The following ZBTB2 variants were observed in gnomAD, a reference collection of about 807,000 sequenced individuals.
The protein encoded by ZBTB2 is zinc finger and BTB domain containing 2, also known as zinc finger and BTB domain-containing protein 2.
In ZBTB2, 2 loss-of-function variants were observed where a neutral mutation model predicts 39.5. The observed-to-expected ratio is 0.05, with a 90% confidence interval of 0.02 to 0.16. ZBTB2 has a LOEUF of 0.16. Ranked by LOEUF, ZBTB2 falls within the 10% of genes least tolerant of loss-of-function variation. The probability of loss-of-function intolerance (pLI) is 1.00; values close to 1 mark genes in which losing one functional copy is unlikely to be tolerated. For synonymous variants in ZBTB2, 251 were observed against 256.6 expected, an observed-to-expected ratio of 0.98 and a Z score of 0.21; for missense variants, 391 against 653.0, an observed-to-expected ratio of 0.60 and a Z score of 4.37.
In ZBTB2 at chr6:151,373,843, TAAAAAA is replaced by T. The variant is rs200070063; in HGVS notation, c.-12-200_-12-195del. ...TGAAGTAGTTATGTCATTATGCCTT[TAAAAAA>T]AAAAAAAAAAAAAAAAAAAAAAAAA... is the stretch of plus-strand genomic sequence containing the variant. On this transcript the variant is annotated intron_variant, in intron 1 of 2. Coordinates refer to ENST00000325144, the MANE Select transcript of ZBTB2 (RefSeq NM_020861.3). 3.6e-3 allele frequency among the ~76,000 whole-genome samples: 167 copies of T among 46,002 alleles called. 3 individuals are homozygous for T. The highest frequency in any genetic ancestry group is 9.5e-3 in the African/African-American group (151 of 15,950). The allele number at this position is 46,002 out of a possible 152,430, so 30.2% of individuals were successfully genotyped here.
intron 1 of ZBTB2, among the ~76,000 whole-genome samples, chr6:151,390,962 G>A (rs1243242617): frequency 6.7e-6 from 1 of 150,140 alleles, no homozygotes; most frequent in Non-Finnish European, 1.5e-5. Context: ...GTGGCGGCGG[G>A]AAGGGAGGGA....
intron 1 of ZBTB2, among the ~76,000 whole-genome samples, chr6:151,390,773 T>TCCCTC (rs1192449849): frequency 1.2e-4 from 6 of 49,788 alleles, no homozygotes; most frequent in African/African-American, 4.5e-4. Flanking sequence ...CCCTCCCTCC[T>TCCCTC]CCCTCCCCTC....
chr6:151,375,692 G>A (rs936148622), intron 1 of ZBTB2, among the ~76,000 whole-genome samples: 2 of 152,142 alleles, frequency 1.3e-5, no homozygotes, highest in Non-Finnish European at 2.9e-5. Flanking sequence ...TGGGGTAGCT[G>A]GGATTACAGG....
intron 2 of ZBTB2, among the ~76,000 whole-genome samples, chr6:151,371,871 T>C (rs943023596): frequency 6.6e-6 from 1 of 152,076 alleles, no homozygotes; most frequent in Non-Finnish European, 1.5e-5. Context: ...GAAGAAAACA[T>C]GATTTGGGGA....
chr6:151,367,522 G>A (rs1435402994), intron 2 of ZBTB2, among the ~76,000 whole-genome samples: 3 of 152,182 alleles, frequency 2.0e-5, no homozygotes, highest in Non-Finnish European at 4.4e-5. Context: ...GCTTTACAGG[G>A]ATGCCTTCTC....
intron 1 of ZBTB2, chr6:151,378,193 A>G (rs1778958507): frequency 6.6e-6 from 1 of 152,164 alleles, no homozygotes; most frequent in Non-Finnish European, 1.5e-5. Context: ...TAACAAATAT[A>G]CCCTAAAATA....
chr6:151,387,718 T>C (rs1292207417), intron 1 of ZBTB2, among the ~76,000 whole-genome samples: 1 of 152,224 alleles, frequency 6.6e-6, no homozygotes, highest in East Asian at 1.9e-4. Flanking sequence ...CAAATTCCTA[T>C]CTTTGAATAC....
chr6:151,391,036 A>G (rs1160074378), intron 1 of ZBTB2, among the ~76,000 whole-genome samples: 1 of 29,526 alleles, frequency 3.4e-5, no homozygotes, highest in Non-Finnish European at 6.7e-5. Context: ...CCTCCCTCCG[A>G]TCCGCCGCCC....
chr6:151,389,082 A>G (rs887652718), intron 1 of ZBTB2, among the ~76,000 whole-genome samples: 11 of 152,222 alleles, frequency 7.2e-5, no homozygotes, highest in Non-Finnish European at 1.5e-4. Context: ...AGAAATGCCC[A>G]GTTTAAAAGG....
Position 151,366,091 on chromosome 6 carries a change from A to G in ZBTB2, c.975T>C (p.Asp325=). ...ISDSELQHIS[D]SPIIDGQQQS... is the part of the protein sequence containing the mutation. The stretch of plus-strand genomic sequence containing the variant: ...GCTGCTGCCCATCGATGATGGGAGA[A>G]TCAGAGATGTGCTGCAGCTCACTGT... Residue 325 remains aspartate (D), a synonymous_variant, in exon 3 of 3, where the codon GAT becomes GAC. Transcript: ENST00000325144. This position sits in a 1 kb window ranked among gnomAD's most constrained non-coding sequence, Gnocchi z 7.1. 6.2e-7 allele frequency: 1 copy of G among 1,614,172 alleles called. No homozygotes were observed. Among genetic ancestry groups the G allele is most frequent in the Non-Finnish European group, 8.5e-7 (1 of 1,180,030 alleles).
In ZBTB2 at chr6:151,388,484, T is replaced by C. The variant is rs115465654; in HGVS notation, c.-13+2936A>G. 8.0e-3 allele frequency among the ~76,000 whole-genome samples: 1,218 copies of C among 152,350 alleles called. 14 individuals carry two copies. The highest frequency in any genetic ancestry group is 0.028 in the African/African-American group (1,157 of 41,570). ...TTACTCATGGGCATGCTGTGGGTAC[T>C]TGAAATCACAGGATTGCAAAGTATA... On this transcript the variant is annotated intron_variant, in intron 1 of 2. Transcript: ENST00000325144.
At chr6:151,384,338 G>A (rs1331989123) in intron 1 of ZBTB2, among the ~76,000 whole-genome samples, 1 of 152,148 alleles carries the variant, frequency 6.6e-6, no homozygotes, top group Non-Finnish European at 1.5e-5. Flanking sequence ...ACAATGTAGA[G>A]ACTGCGGAAC....
chr6:151,382,614 G>A (rs1049289721), intron 1 of ZBTB2, among the ~76,000 whole-genome samples: 2 of 150,400 alleles, frequency 1.3e-5, no homozygotes, highest in African/African-American at 2.5e-5. Context: ...GAAATGGCGC[G>A]CAATCTTGGC....
At chr6:151,384,007 G>T (rs1031479939) in intron 1 of ZBTB2, among the ~76,000 whole-genome samples, 1 of 152,148 alleles carries the variant, frequency 6.6e-6, no homozygotes, top group African/African-American at 2.4e-5. Flanking sequence ...TTCCAGTCAA[G>T]GCTCAGCCTC....
chr6:151,367,367 C>G (rs1448917734), intron 2 of ZBTB2, among the ~76,000 whole-genome samples: 1 of 152,182 alleles, frequency 6.6e-6, no homozygotes, highest in East Asian at 1.9e-4. Flanking sequence ...GTGATCAGCC[C>G]TCCTTGGCCT....
intron 1 of ZBTB2, among the ~76,000 whole-genome samples, chr6:151,386,379 A>C (rs946299398): frequency 1.3e-5 from 2 of 152,148 alleles, no homozygotes; most frequent in African/African-American, 4.8e-5. Context: ...TCTCTATAAA[A>C]AGAAAATTAG....
At chr6:151,371,323 G>A (rs537544583) in intron 2 of ZBTB2, among the ~76,000 whole-genome samples, 1 of 152,262 alleles carries the variant, frequency 6.6e-6, no homozygotes, top group South Asian at 2.1e-4. Flanking sequence ...GAAGGGGGTA[G>A]GTACACACAT....
intron 1 of ZBTB2, among the ~76,000 whole-genome samples, chr6:151,374,745 A>G (rs1455126711): frequency 6.6e-6 from 1 of 151,448 alleles, no homozygotes; most frequent in African/African-American, 2.4e-5. Context: ...AAAAAATAAA[A>G]TTGTCACTAT....
At chr6:151,391,004 C>T (rs1779289194) in intron 1 of ZBTB2, among the ~76,000 whole-genome samples, 1 of 148,556 alleles carries the variant, frequency 6.7e-6, no homozygotes, top group South Asian at 2.1e-4. Flanking sequence ...CGAATCGCCC[C>T]CCTCCCCTTC....
Sources: gnomAD v4.1 joint callset for allele counts (sites outside exome capture counted in the v4.1 genomes callset) on GRCh38, gnomAD v4.1.1 for gene constraint, Gnocchi (gnomAD v3.1) non-coding constraint, MANE v1.5 for transcripts, NCBI Gene and HGNC (gene_info 2026-07-23, HGNC 2026-07-21) for gene names.